Variants in GSTA3 observed in about 807,000 individuals in gnomAD.
GSTA3 encodes the protein glutathione S-transferase A3.
Under a neutral mutation model 23.1 loss-of-function variants are expected in GSTA3, and 16 were observed. That is an observed-to-expected ratio of 0.69 (90% CI 0.47 to 1.05). The LOEUF is 1.05. Ranked by LOEUF, GSTA3 falls within the 50% of genes least tolerant of loss-of-function variation. The pLI is 0.00. For missense variants in GSTA3, 319 were observed against 263.6 expected (o/e 1.21, Z -1.46); for synonymous variants, 122 against 91.0 (o/e 1.34, Z -1.94).
At chr6:52,901,539 G>T (rs1765684278) in intron 4 of GSTA3, among the ~76,000 whole-genome samples, 1 of 152,120 alleles carries the variant, frequency 6.6e-6, no homozygotes, top group African/African-American at 2.4e-5. Context: ...ATGGATATTT[G>T]GGTTATTTCT....
intron 1 of GSTA3, among the ~76,000 whole-genome samples, chr6:52,908,650 C>T (rs920764632): frequency 2.0e-5 from 3 of 152,166 alleles, no homozygotes; most frequent in Non-Finnish European, 4.4e-5. Context: ...GTAGAAACAT[C>T]GTGACTACAC....
In GSTA3 at chr6:52,902,351, T is replaced by C; in HGVS notation, c.267A>G (p.Arg89=). The C allele has an allele frequency of 6.2e-7, 1 of 1,613,848 alleles. No homozygotes were observed. The highest frequency in any genetic ancestry group is 2.2e-5 in the East Asian group (1 of 44,882). ...GAACACAAAATATACCGTACAGGGCTCTCTCCTTTATGTCTTTCCCGTAGA... is the reference window on the plus strand; with the variant it reads ...GAACACAAAATATACCGTACAGGGCCCTCTCCTTTATGTCTTTCCCGTAGA... ...YNLYGKDIKE[R]ALIDMYTEGM... is the part of the protein sequence containing the mutation. The change falls in exon 4 of 7, where the codon AGA becomes AGG. Residue 89 remains arginine, a synonymous_variant. Coordinates refer to ENST00000211122, the MANE Select transcript of GSTA3 (RefSeq NM_000847.5).
At chr6:52,900,218 T>A in intron 4 of GSTA3, 143 bp from the exon 5 acceptor site, 1 of 581,528 alleles carries the variant, frequency 1.7e-6, no homozygotes, top group East Asian at 3.2e-5. Flanking sequence ...GTCATTATGC[T>A]CTGATTTTTG....
chr6:52,904,577 G>A lies in GSTA3; in HGVS notation c.88-850C>T, dbSNP rs545663807. The stretch of plus-strand genomic sequence containing the variant: ...CAGCGCTGTGAGGCTGAAGGGGCGC[G>A]CTAGAAGTTCCTTTCACAGGACGCC... On this transcript the variant is annotated intron_variant, in intron 2 of 6. Transcript: ENST00000211122. Among the ~76,000 whole-genome samples, 64 of 152,262 alleles carry A rather than the reference G, an allele frequency of 4.2e-4. 1 individual carries two copies. Among genetic ancestry groups the A allele is most frequent in the Middle Eastern group, 3.4e-3 (1 of 294 alleles).
chr6:52,904,908 G>A (rs1374281251), intron 2 of GSTA3, among the ~76,000 whole-genome samples: 1 of 152,148 alleles, frequency 6.6e-6, no homozygotes, highest in Non-Finnish European at 1.5e-5. Context: ...AGTCCTTGTA[G>A]ACATGTATGT....
At chr6:52,906,494 C>T (rs986555585) in intron 1 of GSTA3, among the ~76,000 whole-genome samples, 12 of 152,074 alleles carry the variant, frequency 7.9e-5, no homozygotes, top group Admixed American at 1.3e-4. Context: ...AAAAAGAGCC[C>T]GCATCATCAA....
chr6:52,902,840 C>T (rs1302453336), intron 3 of GSTA3, among the ~76,000 whole-genome samples: 1 of 152,160 alleles, frequency 6.6e-6, no homozygotes, highest in Non-Finnish European at 1.5e-5. Context: ...CAGGGTAAGT[C>T]TCATGGTGTT....
At chr6:52,903,431 CA>C (rs398039914) in intron 3 of GSTA3, among the ~76,000 whole-genome samples, 144 of 121,192 alleles carry the variant, frequency 1.2e-3, no homozygotes, top group African/African-American at 1.0e-3. Context: ...ACTAAAAATA[CA>C]AAAAAAAAAA....
chr6:52,902,299 A>G (rs1765713208), intron 4 of GSTA3, 47 bp downstream of exon 4: 2 of 1,608,756 alleles, frequency 1.2e-6, no homozygotes. Flanking sequence ...AAGGACCTAA[A>G]TCACTCTGTG....
Position 52,905,812 on chromosome 6 carries a change from T to C in GSTA3, c.23A>G (p.His8Arg). The C allele has an allele frequency of 6.2e-7, 1 of 1,607,552 alleles. No individual in the cohort carries two copies. The highest frequency in any genetic ancestry group is 8.5e-7 in the Non-Finnish European group (1 of 1,175,362). The change falls in exon 2 of 7, where the codon CAC becomes CGC. Residue 8 changes from histidine (H) to arginine (R), a missense_variant. Coordinates refer to ENST00000211122, the MANE Select transcript of GSTA3 (RefSeq NM_000847.5). MAGKPKL[H>R]YFNGRGRMEP... ...CATTCTGCCCCGTCCATTGAAGTAG[T>C]GAAGCTTGGGCTTCCCTGCCATGGT...
chr6:52,898,035 C>A, intron 5 of GSTA3, 79 bp from the exon 6 acceptor site: 1 of 1,506,886 alleles, frequency 6.6e-7, no homozygotes, highest in Non-Finnish European at 9.2e-7. Flanking sequence ...GTCTTTCCAG[C>A]CTGACATTCC....
chr6:52,908,381 G>A (rs911650028), intron 1 of GSTA3, among the ~76,000 whole-genome samples: 19 of 152,198 alleles, frequency 1.2e-4, no homozygotes, highest in African/African-American at 4.6e-4. Flanking sequence ...CAGGATTGGT[G>A]TCCCACACCT....
intron 1 of GSTA3, among the ~76,000 whole-genome samples, chr6:52,908,801 G>A (rs369471913): frequency 1.3e-5 from 2 of 152,158 alleles, no homozygotes; most frequent in South Asian, 4.2e-4. Context: ...TTAAGAGGGG[G>A]TTATTATTAT....
intron 1 of GSTA3, among the ~76,000 whole-genome samples, chr6:52,908,548 G>T (rs1765971059): frequency 6.6e-6 from 1 of 152,026 alleles, no homozygotes; most frequent in African/African-American, 2.4e-5. Flanking sequence ...GCCAAGCTAG[G>T]ATTATGGCAA....
chr6:52,902,241 AGCCTGCTCCTGGTCATGAT>A, intron 4 of GSTA3, 86 bp downstream of exon 4: 1 of 1,428,072 alleles, frequency 7.0e-7, no homozygotes, highest in Non-Finnish European at 9.7e-7. Context: ...CCCAAGGCCC[AGCCTGCTCCTGGTCATGAT>A]GCCCTGTCAT....
intron 2 of GSTA3, 64 bp from the exon 3 acceptor site, chr6:52,903,791 C>T (rs1057260283): frequency 5.6e-5 from 50 of 886,118 alleles, no homozygotes; most frequent in Non-Finnish European, 8.2e-5. Context: ...GACTTGTGAC[C>T]TTGAATGGCC....
rs140810234 is a variant in GSTA3 at position 52,897,945 on chromosome 6, G to A, written c.426C>T (p.Ser142=). ...YFPAFEKVLQ[S]HGQDYLVGNK... ...TGCCAACAAGGTAGTCTTGTCCATG[G>A]CTCTGTAACACCTGGAGAATTTGAG... Residue 142 remains serine (S), a synonymous_variant, in exon 6 of 7, where the codon AGC becomes AGT. Coordinates refer to ENST00000211122, the MANE Select transcript of GSTA3 (RefSeq NM_000847.5). The A allele has an allele frequency of 1.9e-6, 3 of 1,613,854 alleles. No homozygotes were observed. In the African/African-American group the frequency reaches 4.0e-5, roughly 22 times the overall value.
At chr6:52,908,712 T>C (rs1247094325) in intron 1 of GSTA3, among the ~76,000 whole-genome samples, 1 of 152,130 alleles carries the variant, frequency 6.6e-6, no homozygotes, top group Non-Finnish European at 1.5e-5. Context: ...TAGCCCAGGG[T>C]AATATTTCAT....
Position 52,896,918 on chromosome 6 carries a change from G to T in GSTA3, c.557C>A (p.Thr186Asn). The T allele has an allele frequency of 6.2e-7, 1 of 1,613,942 alleles. No homozygotes were observed. Among genetic ancestry groups the T allele is most frequent in the South Asian group, 1.1e-5 (1 of 91,078 alleles). ...SNFPLLKALK[T>N]RISNLPTVKK... ...CACCGTGGGCAGGTTGCTGATTCTG[G>T]TTTTCAGGGCCTGTAATTCACAAAG... The change falls in exon 7 of 7, where the codon ACC (threonine) becomes AAC (asparagine). Residue 186 changes from threonine to asparagine, a missense_variant. By Grantham distance (65) the Thr-to-Asn change is moderately conservative. Transcript: ENST00000211122.
Sources: allele counts gnomAD v4.1 joint callset (sites outside exome capture counted in the v4.1 genomes callset), GRCh38; gene constraint gnomAD v4.1.1; transcripts MANE v1.5; gene names NCBI Gene and HGNC (gene_info 2026-07-23, HGNC 2026-07-21).